Variants in PTCH2 observed in about 807,000 individuals in gnomAD.
PTCH2 encodes the protein protein patched homolog 2.
A neutral mutation model predicts 117.9 loss-of-function variants in PTCH2; 96 were observed. The observed-to-expected ratio is 0.81, with a 90% CI of 0.69 to 0.96. PTCH2 has a LOEUF of 0.96. Ranked by LOEUF, PTCH2 falls within the 50% of genes least tolerant of loss-of-function variation. The pLI is 0.00. For missense variants in PTCH2, 1,379 were observed against 1,562.5 expected, an observed-to-expected ratio of 0.88 and a Z score of 1.98; for synonymous variants, 615 against 660.9, an observed-to-expected ratio of 0.93 and a Z score of 1.06.
At position 44,823,969 on chromosome 1, in the gene PTCH2, G is replaced by C. The variant is rs1653030983; in HGVS notation, c.3115-584C>G. ...ACAAACAAACAAACAAACAAACATA[G>C]GTTGGGCAAACTACAGCCTGTCACT... On this transcript the variant is annotated intron_variant, in intron 19 of 21. Transcript: ENST00000372192. The surrounding 1 kb of genome is among the most constrained non-coding windows in gnomAD (Gnocchi z 5.1). Among the ~76,000 whole-genome samples the C allele has an allele frequency of 6.7e-6, 1 of 148,360 alleles. No individual in the cohort carries two copies. Among genetic ancestry groups the C allele is most frequent in the African/African-American group, 2.6e-5 (1 of 37,886 alleles).
intron 2 of PTCH2, among the ~76,000 whole-genome samples, chr1:44,833,454 T>TG (rs1653546956): frequency 6.6e-6 from 1 of 151,122 alleles, no homozygotes; most frequent in Admixed American, 6.6e-5. Flanking sequence ...TTTTTTTTTT[T>TG]GAGACAGAGT....
chr1:44,834,449 C>T (rs1653595756), intron 2 of PTCH2, among the ~76,000 whole-genome samples: 3 of 152,088 alleles, frequency 2.0e-5, no homozygotes. Context: ...TCCCCTACTC[C>T]CCACTCTTTT....
In PTCH2 at chr1:44,833,707, G is replaced by A. The variant is rs144022155; in HGVS notation, c.266-1366C>T. Among the ~76,000 whole-genome samples, 886 of 151,490 alleles carry A rather than the reference G, an allele frequency of 5.8e-3. 4 individuals are homozygous for A. The highest frequency in any genetic ancestry group is 8.4e-3 in the Non-Finnish European group (571 of 67,790). On this transcript the variant is annotated intron_variant, in intron 2 of 21. Coordinates refer to ENST00000372192, the MANE Select transcript of PTCH2 (RefSeq NM_003738.5). ...TGTCTCCCAGGTTCAAGCGATTCTCGTGCCTCAGCCTTCCGAGTAGCTGGG... is the reference window on the plus strand; with the variant it reads ...TGTCTCCCAGGTTCAAGCGATTCTCATGCCTCAGCCTTCCGAGTAGCTGGG...
Position 44,830,005 on chromosome 1 carries a change from C to G in PTCH2, c.839G>C (p.Ser280Thr). The change falls in exon 7 of 22, where the codon AGT (serine) becomes ACT (threonine). Residue 280 changes from serine (S) to threonine (T), a missense_variant. Ser to Thr is a moderately conservative substitution (Grantham distance 58, BLOSUM62 1). Transcript: ENST00000372192. ...RQAPNVAHEL[S>T]GGCHGFSHKF... Reference sequence around the variant, plus strand: ...GTGGGAGAAGCCATGGCAGCCCCCACTCAGCTCGTGAGCCACATTGGGAGC... The same window carrying G: ...GTGGGAGAAGCCATGGCAGCCCCCAGTCAGCTCGTGAGCCACATTGGGAGC... The G allele has an allele frequency of 1.9e-6, 3 of 1,614,160 alleles. No individual in the cohort carries two copies. The highest frequency in any genetic ancestry group is 2.5e-6 in the Non-Finnish European group (3 of 1,180,020).
In PTCH2 at chr1:44,821,937, AT is replaced by A. The variant is rs770079858; in HGVS notation, c.*477del. 1.5e-6 allele frequency: 2 copies of A among 1,355,400 alleles called. No individual in the cohort carries two copies. Among genetic ancestry groups the A allele is most frequent in the Non-Finnish European group, 2.0e-6 (2 of 1,016,996 alleles). 84.0% of individuals were successfully genotyped at this position (1,355,400 alleles called of 1,614,324 possible). ...AAAAAAAGCACTGAAGTCATCTGAG[AT>A]TAGTTCACATAGAATATATTTCATT... On this transcript the variant is annotated 3_prime_UTR_variant, in exon 22 of 22. Coordinates refer to ENST00000372192, the MANE Select transcript of PTCH2 (RefSeq NM_003738.5).
intron 2 of PTCH2, among the ~76,000 whole-genome samples, chr1:44,841,507 C>T (rs1007464692): frequency 2.0e-5 from 3 of 152,226 alleles, no homozygotes; most frequent in African/African-American, 7.2e-5. Context: ...ACATATTTTA[C>T]TTTCTTTGCT....
In PTCH2 at chr1:44,842,741, C is replaced by G. The variant is rs557403986; in HGVS notation, c.72+120G>C. The G allele has an allele frequency of 2.4e-4, 246 of 1,033,786 alleles. No homozygotes were observed. In the African/African-American group the frequency reaches 3.5e-3, roughly 15 times the overall value. The allele number at this position is 1,033,786 out of a possible 1,614,324, so 64.0% of individuals were successfully genotyped here. On this transcript the variant is annotated intron_variant, in intron 1 of 21. Coordinates refer to ENST00000372192, the MANE Select transcript of PTCH2 (RefSeq NM_003738.5). The stretch of plus-strand genomic sequence containing the variant: ...GCACAACTTGCTTGCGGTGCTGGCT[C>G]TCACTTGCCTTCAGACATCTAATGA...
In PTCH2 at chr1:44,827,368, A is replaced by G. The variant is rs576305982; in HGVS notation, c.2371+34T>C. 5.6e-6 allele frequency: 9 copies of G among 1,613,500 alleles called. No individual in the cohort carries two copies. In the Admixed American group the frequency reaches 1.3e-4, roughly 24 times the overall value. On this transcript the variant is annotated intron_variant, in intron 15 of 21. Coordinates refer to ENST00000372192, the MANE Select transcript of PTCH2 (RefSeq NM_003738.5). The stretch of plus-strand genomic sequence containing the variant: ...GTGGCCCCAGGGCGTTTCTCCCTGC[A>G]GCACCCCTCCCTGCCCGTCTCCTCG...
At position 44,822,298 on chromosome 1, in the gene PTCH2, A is replaced by T; in HGVS notation, c.*117T>A. ...AGGCCCATGACAGCTGGGTCGGGAG[A>T]GGGGATGCAGCAGCAGCAGGGCCCT... On this transcript the variant is annotated 3_prime_UTR_variant, in exon 22 of 22. Transcript: ENST00000372192. 5 of 1,591,602 alleles carry T rather than the reference A, an allele frequency of 3.1e-6. No homozygotes were observed. Among genetic ancestry groups the T allele is most frequent in the Non-Finnish European group, 3.4e-6 (4 of 1,175,116 alleles).
At chr1:44,834,477 G>C (rs1385512626) in intron 2 of PTCH2, among the ~76,000 whole-genome samples, 3 of 152,176 alleles carry the variant, frequency 2.0e-5, no homozygotes, top group African/African-American at 7.2e-5. Flanking sequence ...CTGTACTGCA[G>C]TGTTTATTTC....
At position 44,829,878 on chromosome 1, in the gene PTCH2, T is replaced by C. The variant is rs1653353818; in HGVS notation, c.935+31A>G. The C allele has an allele frequency of 3.7e-6, 6 of 1,613,362 alleles. No individual in the cohort carries two copies. The East Asian group carries it at 1.3e-4, about 36-fold the overall frequency. On this transcript the variant is annotated intron_variant, in intron 7 of 21. Coordinates refer to ENST00000372192, the MANE Select transcript of PTCH2 (RefSeq NM_003738.5). ...ACAGTATGGGTTCTCATGAACAGAG[T>C]CCCCTCACCAACTCCCAGAGGAGAC...
In PTCH2 at chr1:44,830,023, T is replaced by C. The variant is rs753314916; in HGVS notation, c.821A>G (p.Asn274Ser). ...APNHHSRQAP[N>S]VAHELSGGCH... ...GCCCCCACTCAGCTCGTGAGCCACA[T>C]TGGGAGCCTGGAGGGGAACAGGAGG... Residue 274 changes from asparagine to serine, a missense_variant, in exon 7 of 22, where the codon AAT (asparagine) becomes AGT (serine). By Grantham distance (46) the Asn-to-Ser change is conservative. Coordinates refer to ENST00000372192, the MANE Select transcript of PTCH2 (RefSeq NM_003738.5). 1.2e-5 allele frequency: 20 copies of C among 1,613,926 alleles called. No homozygotes were observed. Among genetic ancestry groups the C allele is most frequent in the African/African-American group, 6.7e-5 (5 of 74,912 alleles).
intron 1 of PTCH2, 48 bp from the exon 2 acceptor site, chr1:44,842,087 T>C: frequency 6.6e-7 from 1 of 1,524,156 alleles, no homozygotes; most frequent in African/African-American, 1.4e-5. Flanking sequence ...CAACAATGCA[T>C]GAAATCCTTC....
In PTCH2 at chr1:44,822,525, G is replaced by C. The variant is rs1284162659; in HGVS notation, c.3502C>G (p.Pro1168Ala). 2.3e-5 allele frequency: 37 copies of C among 1,614,080 alleles called. No homozygotes were observed. The highest frequency in any genetic ancestry group is 3.1e-5 in the Non-Finnish European group (37 of 1,179,964). Residue 1168 changes from proline to alanine, a missense_variant, in exon 22 of 22, where the codon CCC (proline) becomes GCC (alanine). Physicochemically the swap from Pro to Ala is conservative, Grantham distance 27 (BLOSUM62 -1). Transcript: ENST00000372192. ...TSMTVAIHPP[P>A]LPGAYIHPAP... Reference sequence around the variant, plus strand: ...GGATGGATGTAGGCACCAGGCAGGGGGGGTGGGTGGATGGCCACGGTCATG... The same window carrying C: ...GGATGGATGTAGGCACCAGGCAGGGCGGGTGGGTGGATGGCCACGGTCATG...
chr1:44,822,804 C>A, intron 21 of PTCH2, 135 bp from the exon 22 acceptor site: 1 of 995,394 alleles, frequency 1.0e-6, no homozygotes, highest in Non-Finnish European at 1.5e-6. Context: ...TGAGAGCTGG[C>A]AGGCGACAGG....
At position 44,822,418 on chromosome 1, in the gene PTCH2, C is replaced by T. The variant is rs2148870946; in HGVS notation, c.3609G>A (p.Gly1203=). The T allele has an allele frequency of 1.2e-6, 2 of 1,613,730 alleles. No individual in the cohort carries two copies. The highest frequency in any genetic ancestry group is 1.7e-6 in the Non-Finnish European group (2 of 1,180,026). Residue 1203 remains glycine (G), a synonymous_variant, in exon 22 of 22, where the codon GGG becomes GGA. Transcript: ENST00000372192. ...TCTCTGTGCTTCAGCTGCTCTTTCA[C>T]CCAGTGGCTGGACCTGGTCCCCTGG... ...LSSRGPGPAT[G] is the part of the protein sequence containing the mutation.
Position 44,842,274 on chromosome 1 carries a change from CTT to C in PTCH2, c.73-237_73-236del, listed in dbSNP as rs200149437. Among the ~76,000 whole-genome samples the C allele has an allele frequency of 0.04, 5,133 of 129,250 alleles. 128 individuals are homozygous for C. Among genetic ancestry groups the C allele is most frequent in the African/African-American group, 0.16 (4,839 of 30,686 alleles). The allele number at this position is 129,250 out of a possible 152,430, so 84.8% of individuals were successfully genotyped here. A position where few individuals can be genotyped will look rare whatever the true frequency, so the allele number is the denominator to read the frequency against. On this transcript the variant is annotated intron_variant, in intron 1 of 21. Coordinates refer to ENST00000372192, the MANE Select transcript of PTCH2 (RefSeq NM_003738.5). ...CTTTCTTTTCTTTTTGTTTTCTCTC[CTT>C]TTTTTTTTTTTTTTTTTTTTTGAGA...
intron 2 of PTCH2, among the ~76,000 whole-genome samples, chr1:44,836,791 C>A (rs1653708085): frequency 6.6e-6 from 1 of 151,800 alleles, no homozygotes; most frequent in African/African-American, 2.4e-5. Flanking sequence ...AACAAACAAA[C>A]AAACAAAAAA....
chr1:44,820,195 G>A (rs146658804), downstream of PTCH2: 803 of 355,558 alleles, frequency 2.3e-3, 7 homozygotes, highest in African/African-American at 0.016. Context: ...TTTTCGTGGT[G>A]CACCATGGGT....
Sources: allele counts gnomAD v4.1 joint callset (sites outside exome capture counted in the v4.1 genomes callset), GRCh38; gene constraint gnomAD v4.1.1; non-coding constraint Gnocchi (gnomAD v3.1); transcripts MANE v1.5; gene names NCBI Gene and HGNC (gene_info 2026-07-23, HGNC 2026-07-21).